Variants in PWWP3A observed in about 807,000 individuals in gnomAD.
PWWP3A encodes the protein PWWP domain-containing DNA repair factor 3A.
Under a neutral mutation model 79.0 loss-of-function variants are expected in PWWP3A, and 53 were observed. That is an observed-to-expected ratio of 0.67 (90% CI 0.54 to 0.84). PWWP3A has a LOEUF of 0.84. Ranked by LOEUF, PWWP3A falls within the 40% of genes least tolerant of loss-of-function variation. PWWP3A has a pLI of 0.00. For missense variants in PWWP3A, 973 were observed against 948.0 expected (o/e 1.03, Z -0.35); for synonymous variants, 443 against 394.4 (o/e 1.12, Z -1.46).
chr19:1,371,182 C>A, intron 12 of PWWP3A, 104 bp downstream of exon 12: 1 of 1,372,130 alleles, frequency 7.3e-7, no homozygotes, highest in Non-Finnish European at 1.0e-6. Flanking sequence ...TGCTCCCTGG[C>A]CGTTCGGCGG....
intron 13 of PWWP3A, among the ~76,000 whole-genome samples, chr19:1,376,291 G>GTTTTTTTTTT (rs1350699607): frequency 2.2e-4 from 11 of 50,856 alleles, no homozygotes; most frequent in South Asian, 6.9e-4. Flanking sequence ...ACGCCCGGCT[G>GTTTTTTTTTT]TTTGTTTTTT....
In PWWP3A at chr19:1,360,251, A is replaced by T; in HGVS notation, c.330A>T (p.Ala110=). 1 of 1,614,108 alleles carries T rather than the reference A, an allele frequency of 6.2e-7. No homozygotes were observed. Among genetic ancestry groups the T allele is most frequent in the Non-Finnish European group, 8.5e-7 (1 of 1,180,004 alleles). Residue 110 remains alanine, a synonymous_variant, in exon 5 of 14, where the codon GCA becomes GCT. Transcript: ENST00000591337. This position sits in a 1 kb window ranked among gnomAD's most constrained non-coding sequence, Gnocchi z 4.4. ...EGSIWSQESS[A]GTGRADRSLR... ...CGATTTGGAGTCAAGAAAGCTCTGC[A>T]GGGACAGGTAGAGCTGACCGGTCTC...
intron 6 of PWWP3A, 144 bp downstream of exon 6, chr19:1,362,495 G>A: frequency 3.1e-6 from 2 of 636,304 alleles, no homozygotes; most frequent in East Asian, 2.8e-5. Flanking sequence ...ACCTGGAAGG[G>A]ACCTTCAGAA....
intron 4 of PWWP3A, chr19:1,359,453 C>G (rs1193290024): frequency 6.6e-6 from 1 of 150,970 alleles, no homozygotes; most frequent in Non-Finnish European, 1.5e-5. Flanking sequence ...CTTTAATATT[C>G]AAAGGGGAGA....
intron 3 of PWWP3A, chr19:1,357,857 C>T (rs1006031560): frequency 1.9e-5 from 3 of 157,048 alleles, no homozygotes; most frequent in African/African-American, 7.3e-5. Context: ...AAGGCATTGG[C>T]TCCCCTGTTG....
intron 11 of PWWP3A, among the ~76,000 whole-genome samples, chr19:1,370,296 A>G (rs2082223231): frequency 6.6e-6 from 1 of 152,158 alleles, no homozygotes. Flanking sequence ...TCGATCCAGC[A>G]TTTTCCTTTA....
chr19:1,376,355 C>T (rs1408689460), intron 13 of PWWP3A, among the ~76,000 whole-genome samples, 164 bp from the exon 14 acceptor site: 5 of 135,224 alleles, frequency 3.7e-5, no homozygotes, highest in South Asian at 2.4e-4. Context: ...AGGGTTTCAC[C>T]GTGTTAGCCA....
At position 1,360,524 on chromosome 19, in the gene PWWP3A, G is replaced by A; in HGVS notation, c.603G>A (p.Glu201=). Residue 201 remains glutamate (E), a synonymous_variant, in exon 5 of 14, where the codon GAG becomes GAA. Transcript: ENST00000591337. The surrounding 1 kb of genome is among the most constrained non-coding windows in gnomAD (Gnocchi z 4.4). ...VLPAGGGAQD[E]SGSRIHHKNW... is the part of the protein sequence containing the mutation. The stretch of plus-strand genomic sequence containing the variant: ...CAGCTGGAGGTGGTGCCCAAGATGA[G>A]AGTGGGTCCAGAATCCACCACAAAA... 1.9e-6 allele frequency: 3 copies of A among 1,614,222 alleles called. No individual in the cohort carries two copies. Among genetic ancestry groups the A allele is most frequent in the Non-Finnish European group, 2.5e-6 (3 of 1,180,040 alleles).
chr19:1,356,261 C>T, intron 1 of PWWP3A, 63 bp from the exon 2 acceptor site: 1 of 841,754 alleles, frequency 1.2e-6, no homozygotes, highest in Non-Finnish European at 2.0e-6. Context: ...CCCCTGAGGG[C>T]TGTGTCTGCG....
intron 2 of PWWP3A, among the ~76,000 whole-genome samples, chr19:1,356,654 A>G (rs1022594949): frequency 9.3e-5 from 11 of 118,902 alleles, no homozygotes; most frequent in African/African-American, 3.3e-4. Context: ...TTTTTTTCAC[A>G]CTAAAAAAAA....
chr19:1,375,550 T>TATATATTATATAAAAA (rs2082357296), intron 13 of PWWP3A, among the ~76,000 whole-genome samples: 2 of 2,396 alleles, frequency 8.3e-4, no homozygotes, highest in African/African-American at 3.0e-3. Context: ...ATATATAAAA[T>TATATATTATATAAAAA]ATATATTATA....
Position 1,366,305 on chromosome 19 carries a change from G to A in PWWP3A, c.1285G>A (p.Val429Ile), listed in dbSNP as rs757166205. The change falls in exon 8 of 14, where the codon GTC becomes ATC. Residue 429 changes from valine to isoleucine, a missense_variant and splice_region_variant. Val to Ile is a conservative substitution (Grantham distance 29). Transcript: ENST00000591337. ...TTTATTTTCTTGGATTTGTGAACAG[G>A]TCAAAAGCGTCAGGCAGAGAGATAA... is the stretch of plus-strand genomic sequence containing the variant. ...HKKYPFWPAV[V>I]KSVRQRDKKA... The A allele has an allele frequency of 1.9e-6, 3 of 1,613,988 alleles. No individual in the cohort carries two copies. Among genetic ancestry groups the A allele is most frequent in the East Asian group, 2.2e-5 (1 of 44,904 alleles).
At chr19:1,364,869 A>G (rs1245340341) in intron 7 of PWWP3A, among the ~76,000 whole-genome samples, 1 of 152,234 alleles carries the variant, frequency 6.6e-6, no homozygotes, top group Non-Finnish European at 1.5e-5. Context: ...CTGTAATCCC[A>G]GCACTTTGGG....
rs375968719 is a variant in PWWP3A, at chr19:1,371,037, G to A, written c.1945G>A (p.Gly649Ser). The change falls in exon 12 of 14, where the codon GGC (glycine) becomes AGC (serine). Residue 649 changes from glycine to serine, a missense_variant. By Grantham distance (56) the Gly-to-Ser change is moderately conservative. Transcript: ENST00000591337. ...VGAKVLQRTN[G>S]DRIRFILDVL... is the part of the protein sequence containing the mutation. Reference sequence around the variant, plus strand: ...GGCCAAGGTGCTCCAGCGCACCAACGGCGACCGGATCCGGTTCATTCTGGA... The same window carrying A: ...GGCCAAGGTGCTCCAGCGCACCAACAGCGACCGGATCCGGTTCATTCTGGA... The A allele has an allele frequency of 4.8e-5, 75 of 1,573,646 alleles. No individual in the cohort carries two copies. Among genetic ancestry groups the A allele is most frequent in the East Asian group, 9.4e-5 (4 of 42,684 alleles).
Position 1,360,914 on chromosome 19 carries a change from AGGGCCCAG to A in PWWP3A, c.994_1001del (p.Gly332ArgfsTer48). On this transcript the variant is annotated frameshift_variant, in exon 5 of 14. Transcript: ENST00000591337. LOFTEE classifies it high-confidence loss of function. This position sits in a 1 kb window ranked among gnomAD's most constrained non-coding sequence, Gnocchi z 4.4. ...CCGCACCATCCCCCGGGCCGGGGCCAGGGCCCAGAGAGTCTGTGACCCCGCGCAGCACC... is the reference window on the plus strand; with the variant it reads ...CCGCACCATCCCCCGGGCCGGGGCCAAGAGTCTGTGACCCCGCGCAGCACC... 1 of 1,539,172 alleles carries A rather than the reference AGGGCCCAG, an allele frequency of 6.5e-7. No homozygotes were observed. Among genetic ancestry groups the A allele is most frequent in the Non-Finnish European group, 8.8e-7 (1 of 1,141,846 alleles).
rs1339387619 is a variant in PWWP3A, at chr19:1,360,521, TGA to T, written c.604_605del (p.Ser202TrpfsTer14). On this transcript the variant is annotated frameshift_variant, in exon 5 of 14. Transcript: ENST00000591337. LOFTEE classifies it high-confidence loss of function. The surrounding 1 kb of genome is among the most constrained non-coding windows in gnomAD (Gnocchi z 4.4). The stretch of plus-strand genomic sequence containing the variant: ...TCCCAGCTGGAGGTGGTGCCCAAGA[TGA>T]GAGTGGGTCCAGAATCCACCACAAA... ...VLPAGGGAQD[E>X]SGSRIHHKNW... is the part of the protein sequence containing the mutation. 6.2e-7 allele frequency: 1 copy of T among 1,614,078 alleles called. No homozygotes were observed.
chr19:1,361,622 G>A (rs952292915), intron 5 of PWWP3A, among the ~76,000 whole-genome samples: 4 of 152,118 alleles, frequency 2.6e-5, no homozygotes, highest in South Asian at 2.1e-4. Flanking sequence ...CAAACTTACC[G>A]CGCAGATATT....
intron 3 of PWWP3A, chr19:1,358,068 C>A (rs2081923197): frequency 3.3e-6 from 1 of 302,386 alleles, no homozygotes; most frequent in South Asian, 6.1e-5. Flanking sequence ...ACATTACCAT[C>A]TACTCTGAAA....
At chr19:1,375,882 T>TGCAACCCCTGCAACCCCC (rs1360601992) in intron 13 of PWWP3A, among the ~76,000 whole-genome samples, 1 of 148,196 alleles carries the variant, frequency 6.7e-6, no homozygotes, top group Admixed American at 6.9e-5. Flanking sequence ...CTCGGCCCAC[T>TGCAACCCCTGCAACCCCC]GCAACCCCCC....
Sources: allele counts gnomAD v4.1 joint callset (sites outside exome capture counted in the v4.1 genomes callset), GRCh38; gene constraint gnomAD v4.1.1; non-coding constraint Gnocchi (gnomAD v3.1); transcripts MANE v1.5; gene names NCBI Gene and HGNC (gene_info 2026-07-23, HGNC 2026-07-21).